Variants in MIA2 observed in about 807,000 individuals in gnomAD.
The protein encoded by MIA2 is melanoma inhibitory activity protein 2.
Under a neutral mutation model 167.8 loss-of-function variants are expected in MIA2, and 127 were observed. The observed-to-expected ratio is 0.76, with a 90% CI of 0.66 to 0.88. MIA2 has a LOEUF of 0.88. Ranked by LOEUF, MIA2 falls within the 40% of genes least tolerant of loss-of-function variation. MIA2 has a pLI of 0.00. For synonymous variants in MIA2, 552 were observed against 541.9 expected (o/e 1.02, Z -0.26); for missense variants, 1,690 against 1,624.7 (o/e 1.04, Z -0.69).
At chr14:39,265,788 A>C (rs1464707295) in intron 6 of MIA2, 1 of 204,774 alleles carries the variant, frequency 4.9e-6, no homozygotes, top group Admixed American at 6.2e-5. Flanking sequence ...TGAAATTCTA[A>C]AGATAAAAGT....
rs541336221 is a variant in MIA2, at chr14:39,338,864, T to C, written c.3656-7040T>C. ...ACAAAGGTGATTCTCATAAAAACTTTCAAGTTGTATGTGTTGGCTTGTTTT... is the reference window on the plus strand; with the variant it reads ...ACAAAGGTGATTCTCATAAAAACTTCCAAGTTGTATGTGTTGGCTTGTTTT... On this transcript the variant is annotated intron_variant, in intron 25 of 28. Coordinates refer to ENST00000640607, the MANE Select transcript of MIA2 (RefSeq NM_001329214.4). Among the ~76,000 whole-genome samples the C allele has an allele frequency of 2.4e-3, 362 of 152,344 alleles. 3 individuals carry two copies. The highest frequency in any genetic ancestry group is 4.0e-3 in the Non-Finnish European group (272 of 68,028).
At chr14:39,246,138 C>T (rs10151920) in intron 3 of MIA2, among the ~76,000 whole-genome samples, 10,357 of 136,758 alleles carry the variant, frequency 0.076, 461 homozygotes, top group South Asian at 0.2. Context: ...ACTCTGTCAC[C>T]CAAGCTGAAA....
chr14:39,352,197 G>A (rs953905188), downstream of MIA2, among the ~76,000 whole-genome samples: 3 of 132,652 alleles, frequency 2.3e-5, no homozygotes, highest in Admixed American at 1.5e-4. Flanking sequence ...TATTGTTTTT[G>A]GCTTTTTTTT....
At chr14:39,266,569 G>A (rs1028639727) in intron 6 of MIA2, 2 of 985,538 alleles carry the variant, frequency 2.0e-6, no homozygotes, top group South Asian at 9.4e-5. Context: ...GCGTGGGACA[G>A]GTTAAACTCT....
chr14:39,245,382 A>C (rs1170557111), intron 3 of MIA2, among the ~76,000 whole-genome samples: 1 of 151,804 alleles, frequency 6.6e-6, no homozygotes, highest in Non-Finnish European at 1.5e-5. Flanking sequence ...GATGAGCTAA[A>C]AAGAAATATT....
At chr14:39,363,985 A>G (rs2074759332) in intron 23 of MIA2, among the ~76,000 whole-genome samples, 1 of 152,156 alleles carries the variant, frequency 6.6e-6, no homozygotes, top group African/African-American at 2.4e-5. Context: ...GCCAGTCTAC[A>G]CCTTTTAAGC....
chr14:39,245,654 C>T (rs1160903918), intron 3 of MIA2, among the ~76,000 whole-genome samples: 1 of 152,128 alleles, frequency 6.6e-6, no homozygotes, highest in Non-Finnish European at 1.5e-5. Flanking sequence ...GCTGAGAAGT[C>T]TTCTTGATGC....
intron 3 of MIA2, among the ~76,000 whole-genome samples, chr14:39,242,951 C>G (rs1391639751): frequency 1.3e-5 from 2 of 151,490 alleles, no homozygotes; most frequent in African/African-American, 4.8e-5. Flanking sequence ...GGTGAAACCC[C>G]GTCTCTACTA....
intron 12 of MIA2, among the ~76,000 whole-genome samples, 178 bp downstream of exon 12, chr14:39,294,249 G>C (rs1488504975): frequency 6.6e-6 from 1 of 151,862 alleles, no homozygotes; most frequent in African/African-American, 2.4e-5. Context: ...CCAGGCTGGA[G>C]TATAGCAGCA....
chr14:39,335,839 A>G (rs2070266436), intron 25 of MIA2, among the ~76,000 whole-genome samples: 1 of 152,154 alleles, frequency 6.6e-6, no homozygotes, highest in African/African-American at 2.4e-5. Context: ...TTTAGCTACC[A>G]CTTACAAGTA....
chr14:39,244,922 G>T (rs559486847), intron 3 of MIA2, among the ~76,000 whole-genome samples: 2 of 151,744 alleles, frequency 1.3e-5, no homozygotes, highest in African/African-American at 4.8e-5. Flanking sequence ...GGACTACAGC[G>T]CATGCCACTA....
At chr14:39,352,915 T>C (rs1459581147), downstream of MIA2, among the ~76,000 whole-genome samples, 1 of 152,146 alleles carries the variant, frequency 6.6e-6, no homozygotes, top group East Asian at 1.9e-4. Flanking sequence ...TTTCAAGTAT[T>C]AAGATATTGT....
At chr14:39,375,916 CT>C (rs1337888665) in intron 23 of MIA2, among the ~76,000 whole-genome samples, 1 of 152,052 alleles carries the variant, frequency 6.6e-6, no homozygotes, top group Admixed American at 6.6e-5. Flanking sequence ...ATATAGTTAT[CT>C]TTTTTTGGTA....
intron 23 of MIA2, among the ~76,000 whole-genome samples, chr14:39,374,789 A>G (rs2075015564): frequency 6.6e-6 from 1 of 152,228 alleles, no homozygotes; most frequent in African/African-American, 2.4e-5. Context: ...TTGCAATAAC[A>G]TCTCTGGATG....
At chr14:39,253,927 A>C (rs2054699463) in intron 6 of MIA2, among the ~76,000 whole-genome samples, 1 of 152,248 alleles carries the variant, frequency 6.6e-6, no homozygotes, top group African/African-American at 2.4e-5. Flanking sequence ...TAATTGAGGA[A>C]GCACTTTTAT....
rs1437174386 is a variant in MIA2, at chr14:39,319,240, T to A, written c.3316T>A (p.Leu1106Ile). The A allele has an allele frequency of 1.3e-6, 2 of 1,577,056 alleles. No individual in the cohort carries two copies. Among genetic ancestry groups the A allele is most frequent in the Non-Finnish European group, 1.7e-6 (2 of 1,159,306 alleles). ...LTETELKFEL[L>I]EKDPYALDVP... The stretch of plus-strand genomic sequence containing the variant: ...TGAAACAGAGCTTAAATTTGAACTT[T>A]TAGAAAAAGATCCTTATGCACTCGA... Residue 1106 changes from leucine to isoleucine, a missense_variant, in exon 23 of 29, where the codon TTA (leucine) becomes ATA (isoleucine). Transcript: ENST00000640607.
intron 25 of MIA2, among the ~76,000 whole-genome samples, chr14:39,332,413 T>C (rs924755367): frequency 2.6e-5 from 4 of 152,190 alleles, no homozygotes; most frequent in African/African-American, 9.7e-5. Flanking sequence ...TGGCGGAGTT[T>C]ATTACTCACC....
At chr14:39,297,666 CGTGTGTGTGT>C (rs71435638) in intron 13 of MIA2, among the ~76,000 whole-genome samples, 11 of 140,074 alleles carry the variant, frequency 7.9e-5, no homozygotes, top group African/African-American at 1.9e-4. Context: ...TAGGGTTTTG[CGTGTGTGTGT>C]GTGTGTGTGT....
intron 23 of MIA2, among the ~76,000 whole-genome samples, chr14:39,357,123 C>T (rs138719815): frequency 0.012 from 1,825 of 152,162 alleles, 35 homozygotes; most frequent in African/African-American, 0.041. Flanking sequence ...CTTTCTGTCT[C>T]GTTGATCTGT....
Sources: allele counts gnomAD v4.1 joint callset (sites outside exome capture counted in the v4.1 genomes callset), GRCh38; gene constraint gnomAD v4.1.1; transcripts MANE v1.5; gene names NCBI Gene and HGNC (gene_info 2026-07-23, HGNC 2026-07-21).